FAM168A: variants seen among roughly 807,000 people sequenced by gnomAD.
FAM168A encodes family with sequence similarity 168 member A, also known as protein FAM168A.
In FAM168A, 3 loss-of-function variants were observed where a neutral mutation model predicts 28.5. That is an observed-to-expected ratio of 0.11 (90% confidence interval 0.05 to 0.27). The LOEUF (loss-of-function observed/expected upper bound fraction) is 0.27. Ranked by LOEUF, FAM168A falls within the 10% of genes least tolerant of loss-of-function variation. The pLI is 1.00. For synonymous variants in FAM168A, 122 were observed against 124.2 expected (o/e 0.98, Z 0.12); for missense variants, 222 against 311.5 (o/e 0.71, Z 2.16).
At chr11:73,533,146 G>A (rs1943534980) in intron 1 of FAM168A, among the ~76,000 whole-genome samples, 1 of 152,128 alleles carries the variant, frequency 6.6e-6, no homozygotes, top group African/African-American at 2.4e-5. Flanking sequence ...TTAATTCTCT[G>A]AACTTCAGAT....
At chr11:73,491,110 T>C (rs1161456315) in intron 1 of FAM168A, among the ~76,000 whole-genome samples, 1 of 152,166 alleles carries the variant, frequency 6.6e-6, no homozygotes, top group Admixed American at 6.5e-5. Context: ...CTCATAATAA[T>C]CCTGAGCCTT....
intron 1 of FAM168A, among the ~76,000 whole-genome samples, chr11:73,501,448 AC>A (rs1855008748): frequency 6.6e-6 from 1 of 152,200 alleles, no homozygotes; most frequent in Admixed American, 6.5e-5. Flanking sequence ...GAAGCAAAAC[AC>A]TTCTCAGCAA....
At chr11:73,585,739 G>A (rs988535504) in intron 1 of FAM168A, among the ~76,000 whole-genome samples, 54 of 151,916 alleles carry the variant, frequency 3.6e-4, no homozygotes, top group African/African-American at 4.6e-4. Context: ...ATGGTGGCAC[G>A]CGCCCGTAAA....
intron 5 of FAM168A, among the ~76,000 whole-genome samples, chr11:73,409,885 G>A (rs1866578102): frequency 6.6e-6 from 1 of 152,172 alleles, no homozygotes; most frequent in African/African-American, 2.4e-5. Flanking sequence ...GATCTAATGG[G>A]ATAAGAGCTC....
chr11:73,570,747 G>T (rs999913826), intron 1 of FAM168A, among the ~76,000 whole-genome samples: 2 of 146,352 alleles, frequency 1.4e-5, no homozygotes, highest in Non-Finnish European at 3.0e-5. Context: ...AAAAAAAAAA[G>T]ACAAGACAAG....
intron 1 of FAM168A, among the ~76,000 whole-genome samples, chr11:73,501,872 C>A (rs971596234): frequency 3.3e-5 from 5 of 152,020 alleles, no homozygotes; most frequent in East Asian, 3.9e-4. Flanking sequence ...GAGGCCAAGG[C>A]GGGCAGATCA....
At chr11:73,555,014 A>G (rs557206147) in intron 1 of FAM168A, among the ~76,000 whole-genome samples, 2 of 152,346 alleles carry the variant, frequency 1.3e-5, no homozygotes, top group South Asian at 4.1e-4. Flanking sequence ...AGTCAAGAGA[A>G]GGTCAAGGTA....
intron 1 of FAM168A, among the ~76,000 whole-genome samples, chr11:73,500,753 A>C (rs2134623255): frequency 6.6e-6 from 1 of 152,326 alleles, no homozygotes; most frequent in East Asian, 1.9e-4. Flanking sequence ...TATAAAGACA[A>C]ATGACACTAT....
At chr11:73,556,648 T>C (rs951362278) in intron 1 of FAM168A, among the ~76,000 whole-genome samples, 1 of 151,914 alleles carries the variant, frequency 6.6e-6, no homozygotes, top group African/African-American at 2.4e-5. Context: ...ACATTATGAA[T>C]GTATTTAATA....
intron 1 of FAM168A, among the ~76,000 whole-genome samples, chr11:73,527,178 C>T (rs1444143786): frequency 6.6e-6 from 1 of 152,116 alleles, no homozygotes; most frequent in African/African-American, 2.4e-5. Context: ...GCAACTCAGC[C>T]TTTCTCATCC....
At chr11:73,532,021 C>G (rs1943520200) in intron 1 of FAM168A, among the ~76,000 whole-genome samples, 1 of 149,360 alleles carries the variant, frequency 6.7e-6, no homozygotes, top group African/African-American at 2.5e-5. Flanking sequence ...CCATGTTGCC[C>G]AGGCTGGTCT....
At chr11:73,466,789 A>C (rs1291142470) in intron 2 of FAM168A, among the ~76,000 whole-genome samples, 1 of 152,136 alleles carries the variant, frequency 6.6e-6, no homozygotes, top group Non-Finnish European at 1.5e-5. Flanking sequence ...GAAACTAAAA[A>C]TCAGGAAGTC....
At chr11:73,486,581 C>A (rs147351254) in intron 1 of FAM168A, among the ~76,000 whole-genome samples, 1 of 152,124 alleles carries the variant, frequency 6.6e-6, no homozygotes, top group Admixed American at 6.6e-5. Flanking sequence ...AAGATAATCA[C>A]AAACTGTAAG....
intron 1 of FAM168A, among the ~76,000 whole-genome samples, chr11:73,539,649 C>T (rs1311059108): frequency 2.0e-5 from 3 of 152,172 alleles, no homozygotes; most frequent in Non-Finnish European, 4.4e-5. Flanking sequence ...CTCTACCTGT[C>T]CATCAGCCAC....
chr11:73,445,521 A>G (rs1867296728), intron 2 of FAM168A, among the ~76,000 whole-genome samples: 1 of 135,962 alleles, frequency 7.4e-6, no homozygotes, highest in Non-Finnish European at 1.5e-5. Flanking sequence ...CCTCCTCAGC[A>G]TCCCAAAGTG....
In FAM168A at chr11:73,595,140, T is replaced by G. The variant is rs138989887; in HGVS notation, c.-19+2783A>C. 3.7e-3 allele frequency among the ~76,000 whole-genome samples: 571 copies of G among 152,272 alleles called. 4 individuals carry two copies. The highest frequency in any genetic ancestry group is 0.013 in the African/African-American group (538 of 41,544). On this transcript the variant is annotated intron_variant, in intron 1 of 7. Transcript: ENST00000356467. ...AGGGCTTTAATATAAACATCCCACC[T>G]CTAGACCAAGCCTGCAGATCTGCAA... is the stretch of plus-strand genomic sequence containing the variant.
At chr11:73,496,665 A>C (rs964894286) in intron 1 of FAM168A, among the ~76,000 whole-genome samples, 21 of 152,242 alleles carry the variant, frequency 1.4e-4, no homozygotes, top group African/African-American at 5.1e-4. Context: ...CGTTCACGCC[A>C]TTCTCCTGCC....
At chr11:73,562,856 A>C (rs772849212) in intron 1 of FAM168A, among the ~76,000 whole-genome samples, 1 of 152,166 alleles carries the variant, frequency 6.6e-6, no homozygotes, top group Non-Finnish European at 1.5e-5. Flanking sequence ...ACCTACTAAC[A>C]GGGTGGTTCT....
rs879663676 is a variant in FAM168A, at chr11:73,473,818, C to CT, written c.-18-5327dup. ...TTCTCTGTTCTCTCATCCTTTCTTA[C>CT]TTTTTTTTTTTTTGAGATGGAGTCT... On this transcript the variant is annotated intron_variant, in intron 1 of 7. Transcript: ENST00000356467. 3.6e-3 allele frequency among the ~76,000 whole-genome samples: 528 copies of CT among 145,832 alleles called. 1 individual carries two copies. The highest frequency in any genetic ancestry group is 9.4e-3 in the African/African-American group (377 of 40,062).
Sources: gnomAD v4.1 joint callset for allele counts (sites outside exome capture counted in the v4.1 genomes callset) on GRCh38, gnomAD v4.1.1 for gene constraint, MANE v1.5 for transcripts, NCBI Gene and HGNC (gene_info 2026-07-23, HGNC 2026-07-21) for gene names.